The following NXPH1 variants were observed in gnomAD, a reference collection of about 807,000 sequenced individuals.
The protein encoded by NXPH1 is neurexophilin-1.
NXPH1 carries 5 observed loss-of-function variants against 23.7 expected under a neutral mutation model. The ratio of observed to expected loss-of-function variants is 0.21; its 90% CI spans 0.11 to 0.44. The LOEUF is 0.44. Among genes scored for constraint, NXPH1 ranks in the 20% least tolerant of loss-of-function variants. The probability of loss-of-function intolerance (pLI) is 0.99; values close to 1 mark genes in which losing one functional copy is unlikely to be tolerated. For synonymous variants in NXPH1, 144 were observed against 122.2 expected, an observed-to-expected ratio of 1.18 and a Z score of -1.18; for missense variants, 324 against 321.6, an observed-to-expected ratio of 1.01 and a Z score of -0.06.
intron 2 of NXPH1, among the ~76,000 whole-genome samples, chr7:8,522,118 C>G (rs1479349963): frequency 6.6e-6 from 1 of 152,192 alleles, no homozygotes; most frequent in African/African-American, 2.4e-5. Flanking sequence ...AAATTTAGGA[C>G]TACAATGCAT....
chr7:8,514,584 G>A (rs998535034), intron 2 of NXPH1, among the ~76,000 whole-genome samples: 1 of 152,126 alleles, frequency 6.6e-6, no homozygotes, highest in African/African-American at 2.4e-5. Context: ...TGTGCTGTGT[G>A]TGTCATGATT....
rs190691242 is a variant in NXPH1 at position 8,574,094 on chromosome 7, G to A, written c.54+138327G>A. On this transcript the variant is annotated intron_variant, in intron 2 of 2. Coordinates refer to ENST00000405863, the MANE Select transcript of NXPH1 (RefSeq NM_152745.3). ...GTTCAGGCTCTGAGCAGGACCAGAA[G>A]AGCAAAAATGGTATAAAAAGGCTAT... Among the ~76,000 whole-genome samples, 4 of 152,128 alleles carry A rather than the reference G, an allele frequency of 2.6e-5. No homozygotes were observed. In the East Asian group the frequency reaches 5.8e-4, roughly 22 times the overall value.
intron 2 of NXPH1, among the ~76,000 whole-genome samples, chr7:8,526,586 G>A (rs1470969126): frequency 6.6e-6 from 1 of 152,170 alleles, no homozygotes; most frequent in Non-Finnish European, 1.5e-5. Context: ...TGTTGTGGGA[G>A]GGACCCAAGG....
intron 2 of NXPH1, among the ~76,000 whole-genome samples, chr7:8,650,399 A>G (rs1002280058): frequency 2.0e-5 from 3 of 152,214 alleles, no homozygotes; most frequent in Non-Finnish European, 2.9e-5. Context: ...TATAACATTT[A>G]GAAGGATGTC....
chr7:8,577,335 T>G (rs1383077876), intron 2 of NXPH1, among the ~76,000 whole-genome samples: 1 of 152,198 alleles, frequency 6.6e-6, no homozygotes, highest in Non-Finnish European at 1.5e-5. Flanking sequence ...TGGGAATTGT[T>G]GCAGGGGTAT....
At chr7:8,616,307 C>CA (rs1299034171) in intron 2 of NXPH1, among the ~76,000 whole-genome samples, 1 of 152,000 alleles carries the variant, frequency 6.6e-6, no homozygotes, top group African/African-American at 2.4e-5. Context: ...GGTACCCCCT[C>CA]ACCATATCAG....
At chr7:8,664,228 T>C (rs536032985) in intron 2 of NXPH1, among the ~76,000 whole-genome samples, 1 of 152,236 alleles carries the variant, frequency 6.6e-6, no homozygotes, top group Admixed American at 6.5e-5. Context: ...TTTAATTCTC[T>C]TTGCCTAGCT....
intron 2 of NXPH1, among the ~76,000 whole-genome samples, chr7:8,458,194 C>T (rs1173381441): frequency 5.9e-5 from 9 of 152,100 alleles, no homozygotes; most frequent in South Asian, 4.1e-4. Flanking sequence ...AGATGAACAA[C>T]GGTGTTGCAA....
chr7:8,543,806 A>G (rs1226462418), intron 2 of NXPH1, among the ~76,000 whole-genome samples: 1 of 151,634 alleles, frequency 6.6e-6, no homozygotes. Flanking sequence ...TGTACTCTTC[A>G]GTTAGCTTTT....
chr7:8,675,698 T>C (rs957929265), intron 2 of NXPH1, among the ~76,000 whole-genome samples: 28 of 152,224 alleles, frequency 1.8e-4, no homozygotes, highest in Middle Eastern at 3.4e-3. Context: ...CTGTGGTACA[T>C]TTTAAAGTAT....
chr7:8,564,919 G>C (rs1271289484), intron 2 of NXPH1, among the ~76,000 whole-genome samples: 1 of 151,772 alleles, frequency 6.6e-6, no homozygotes, highest in Non-Finnish European at 1.5e-5. Context: ...GCCAGTTCTG[G>C]AATTATTCTA....
chr7:8,484,611 A>G (rs557668900), intron 2 of NXPH1, among the ~76,000 whole-genome samples: 3 of 152,328 alleles, frequency 2.0e-5, no homozygotes, highest in African/African-American at 7.2e-5. Flanking sequence ...CTTAAGGGTT[A>G]TTTATTTACT....
intron 2 of NXPH1, among the ~76,000 whole-genome samples, chr7:8,698,194 A>G (rs1779565290): frequency 6.6e-6 from 1 of 152,192 alleles, no homozygotes; most frequent in Non-Finnish European, 1.5e-5. Context: ...AAACATTTAC[A>G]CCAATATTCC....
chr7:8,630,799 G>C (rs887965427), intron 2 of NXPH1, among the ~76,000 whole-genome samples: 1 of 152,096 alleles, frequency 6.6e-6, no homozygotes, highest in Non-Finnish European at 1.5e-5. Context: ...TTTAAGTTCA[G>C]GGGTATAAGT....
intron 2 of NXPH1, among the ~76,000 whole-genome samples, chr7:8,709,234 T>C (rs888691830): frequency 7.9e-5 from 12 of 152,224 alleles, no homozygotes; most frequent in African/African-American, 2.9e-4. Flanking sequence ...TTGAGTACTG[T>C]ATGGTAGTCC....
At chr7:8,625,152 C>T (rs1819960928) in intron 2 of NXPH1, among the ~76,000 whole-genome samples, 1 of 152,022 alleles carries the variant, frequency 6.6e-6, no homozygotes, top group African/African-American at 2.4e-5. Context: ...CTTTTTTTGG[C>T]AACCTCACTG....
intron 2 of NXPH1, among the ~76,000 whole-genome samples, chr7:8,743,433 G>A (rs925283938): frequency 3.4e-5 from 5 of 148,108 alleles, no homozygotes; most frequent in African/African-American, 1.2e-4. Context: ...TCTAGTTGAA[G>A]ATTTTATATA....
intron 2 of NXPH1, among the ~76,000 whole-genome samples, chr7:8,666,736 T>C (rs1313247784): frequency 6.6e-6 from 1 of 152,124 alleles, no homozygotes; most frequent in African/African-American, 2.4e-5. Flanking sequence ...GTTTTCTATT[T>C]ATTCATGATT....
chr7:8,476,240 ACT>A (rs1395444959), intron 2 of NXPH1, among the ~76,000 whole-genome samples: 4 of 152,266 alleles, frequency 2.6e-5, no homozygotes, highest in East Asian at 1.9e-4. Context: ...TCTTGGCAAC[ACT>A]CTGAGCGGTG....
Sources: gnomAD v4.1 joint callset for allele counts (sites outside exome capture counted in the v4.1 genomes callset) on GRCh38, gnomAD v4.1.1 for gene constraint, MANE v1.5 for transcripts, NCBI Gene and HGNC (gene_info 2026-07-23, HGNC 2026-07-21) for gene names.